The following MYO16 variants were observed in gnomAD, a reference collection of about 807,000 sequenced individuals.
MYO16 encodes the protein unconventional myosin-XVI.
MYO16 carries 94 observed loss-of-function variants against 205.3 expected under a neutral mutation model. The observed-to-expected ratio is 0.46, with a 90% CI of 0.39 to 0.54. MYO16 has a LOEUF of 0.54. Among genes scored for constraint, MYO16 ranks in the 20% least tolerant of loss-of-function variants. MYO16 has a pLI of 0.00. For synonymous variants in MYO16, 988 were observed against 954.0 expected (o/e 1.04, Z -0.66); for missense variants, 2,315 against 2,387.5 (o/e 0.97, Z 0.63).
intron 2 of MYO16, among the ~76,000 whole-genome samples, chr13:108,708,012 G>A (rs955409719): frequency 4.9e-4 from 74 of 152,270 alleles, no homozygotes; most frequent in African/African-American, 1.3e-3. Flanking sequence ...GTCACATTCC[G>A]TAATCAGATA....
rs1004825281 is a variant in MYO16 at position 109,052,480 on chromosome 13, G to A, written c.3048+5G>A. 6.4e-7 allele frequency: 1 copy of A among 1,562,648 alleles called. No individual in the cohort carries two copies. Among genetic ancestry groups the A allele is most frequent in the Middle Eastern group, 1.7e-4 (1 of 5,876 alleles). ...AATTATCTAGAACTTAGTAAGGTAGGAGTTTTTATGATTATTGTTGGATTA... is the reference window on the plus strand; with the variant it reads ...AATTATCTAGAACTTAGTAAGGTAGAAGTTTTTATGATTATTGTTGGATTA... On this transcript the variant is annotated splice_donor_5th_base_variant and intron_variant, in intron 25 of 34. Coordinates refer to ENST00000457511, the MANE Select transcript of MYO16 (RefSeq NM_001198950.3).
At chr13:109,120,598 T>A (rs931873875) in intron 29 of MYO16, 132 bp downstream of exon 29, 1 of 586,584 alleles carries the variant, frequency 1.7e-6, no homozygotes, top group Non-Finnish European at 2.9e-6. Flanking sequence ...CTGGATGCTA[T>A]CTTCAGGCAA....
At chr13:108,645,758 G>A (rs1304606198) in intron 1 of MYO16, among the ~76,000 whole-genome samples, 1 of 152,160 alleles carries the variant, frequency 6.6e-6, no homozygotes, top group East Asian at 1.9e-4. Flanking sequence ...ATGGCCTCAG[G>A]TGGCATTACC....
At chr13:109,083,371 GA>G (rs1482028319) in intron 27 of MYO16, among the ~76,000 whole-genome samples, 2 of 88,142 alleles carry the variant, frequency 2.3e-5, no homozygotes, top group African/African-American at 9.3e-5. Context: ...CAAAAAGAGG[GA>G]AACTCCGTCT....
chr13:109,095,737 T>C (rs1888755352), intron 27 of MYO16, among the ~76,000 whole-genome samples: 1 of 152,140 alleles, frequency 6.6e-6, no homozygotes, highest in African/African-American at 2.4e-5. Flanking sequence ...ATTAAAAAAA[T>C]AACTTGAGTG....
intron 27 of MYO16, among the ~76,000 whole-genome samples, chr13:109,092,478 G>T (rs1402250811): frequency 5.3e-5 from 8 of 152,178 alleles, no homozygotes; most frequent in Admixed American, 3.9e-4. Context: ...ACCAACAGAG[G>T]AACAGAAAAC....
intron 9 of MYO16, 68 bp from the exon 10 acceptor site, chr13:108,844,275 A>G (rs953744734): frequency 3.2e-5 from 43 of 1,361,434 alleles, no homozygotes; most frequent in Non-Finnish European, 4.2e-5. Context: ...ACTATCCTGT[A>G]TTGGTAATTT....
At position 108,976,986 on chromosome 13, in the gene MYO16, A is replaced by AT. The variant is rs561723140; in HGVS notation, c.2369+12089dup. The stretch of plus-strand genomic sequence containing the variant: ...TCCTTTTGTTTTCCTGTAGAGATAC[A>AT]TTTTTCCCCTTCCCTCCCCAGAGAC... On this transcript the variant is annotated intron_variant, in intron 20 of 34. Coordinates refer to ENST00000457511, the MANE Select transcript of MYO16 (RefSeq NM_001198950.3). 5.3e-5 allele frequency among the ~76,000 whole-genome samples: 8 copies of AT among 152,262 alleles called. No homozygotes were observed. The South Asian group carries it at 1.7e-3, about 32-fold the overall frequency.
chr13:108,770,041 AT>A (rs1293079868), intron 4 of MYO16, among the ~76,000 whole-genome samples: 2 of 152,206 alleles, frequency 1.3e-5, no homozygotes, highest in African/African-American at 4.8e-5. Context: ...TGGTATATAA[AT>A]GTAATGGAAT....
chr13:108,551,192 T>G, the MYO16 span, among the ~76,000 whole-genome samples: 1 of 152,202 alleles, frequency 6.6e-6, no homozygotes, highest in African/African-American at 2.4e-5. Flanking sequence ...TTCCTTCTTG[T>G]GCCGTTGGCT....
intron 4 of MYO16, among the ~76,000 whole-genome samples, chr13:108,771,602 C>T (rs760426042): frequency 7.9e-5 from 12 of 152,074 alleles, no homozygotes; most frequent in Admixed American, 6.5e-5. Context: ...CAGAAATTTG[C>T]GGAGTGTTTT....
At chr13:108,726,819 AT>A (rs1884357514) in intron 3 of MYO16, among the ~76,000 whole-genome samples, 1 of 152,094 alleles carries the variant, frequency 6.6e-6, no homozygotes, top group African/African-American at 2.4e-5. Flanking sequence ...GGATGGTTTG[AT>A]TTAGTAAATT....
intron 6 of MYO16, among the ~76,000 whole-genome samples, chr13:108,799,754 G>T (rs1594303644): frequency 6.6e-6 from 1 of 152,274 alleles, no homozygotes; most frequent in East Asian, 1.9e-4. Context: ...CCAACTTAGT[G>T]CTGTACCAGG....
In MYO16 at chr13:109,019,879, A is replaced by G. The variant is rs772725791; in HGVS notation, c.2764A>G (p.Thr922Ala). The G allele has an allele frequency of 6.2e-7, 1 of 1,614,176 alleles. No homozygotes were observed. The highest frequency in any genetic ancestry group is 8.5e-7 in the Non-Finnish European group (1 of 1,180,020). ...NGNVALKDHG[T>A]AFTIMHYAGR... ...GAATGTTGCCCTCAAAGACCACGGTACAGCCTTCACCATCATGCACTACGC... is the reference window on the plus strand; with the variant it reads ...GAATGTTGCCCTCAAAGACCACGGTGCAGCCTTCACCATCATGCACTACGC... The change falls in exon 23 of 35, where the codon ACA (threonine) becomes GCA (alanine). Residue 922 changes from threonine (T) to alanine (A), a missense_variant. Physicochemically the swap from Thr to Ala is moderately conservative, Grantham distance 58 (BLOSUM62 0). Coordinates refer to ENST00000457511, the MANE Select transcript of MYO16 (RefSeq NM_001198950.3).
chr13:109,041,497 G>A (rs928745571), intron 23 of MYO16, among the ~76,000 whole-genome samples: 8 of 152,190 alleles, frequency 5.3e-5, no homozygotes, highest in Admixed American at 5.2e-4. Context: ...GTTACACATA[G>A]GTTAATGGAA....
intron 23 of MYO16, among the ~76,000 whole-genome samples, chr13:109,038,652 C>G (rs1183284653): frequency 1.3e-5 from 2 of 151,712 alleles, no homozygotes; most frequent in Non-Finnish European, 2.9e-5. Context: ...TTTGGAGAAC[C>G]CTGATGAATA....
chr13:108,765,641 C>T (rs942658404), intron 4 of MYO16, among the ~76,000 whole-genome samples: 25 of 152,210 alleles, frequency 1.6e-4, no homozygotes, highest in Admixed American at 2.6e-4. Context: ...TCATCCCCAT[C>T]AGATACACAC....
intron 6 of MYO16, among the ~76,000 whole-genome samples, chr13:108,796,068 CA>C (rs1178182707): frequency 1.3e-5 from 2 of 152,160 alleles, no homozygotes; most frequent in Admixed American, 6.5e-5. Flanking sequence ...ATGGCTGAAG[CA>C]GTGTCAGCAG....
intron 4 of MYO16, among the ~76,000 whole-genome samples, chr13:108,737,120 A>G (rs1884730906): frequency 6.6e-6 from 1 of 152,102 alleles, no homozygotes; most frequent in Admixed American, 6.5e-5. Context: ...CTAATTGAAT[A>G]CCCTTTATTT....
Sources: gnomAD v4.1 joint callset for allele counts (sites outside exome capture counted in the v4.1 genomes callset) on GRCh38, gnomAD v4.1.1 for gene constraint, MANE v1.5 for transcripts, NCBI Gene and HGNC (gene_info 2026-07-23, HGNC 2026-07-21) for gene names.